Variants in CDYL observed in about 807,000 individuals in gnomAD.
The protein encoded by CDYL is chromodomain Y-like protein.
A neutral mutation model predicts 47.3 loss-of-function variants in CDYL; 8 were observed. That is an observed-to-expected ratio of 0.17 (90% CI 0.10 to 0.31). CDYL has a LOEUF of 0.31. CDYL is among the 10% of genes least tolerant of loss of function. The pLI is 1.00. For synonymous variants in CDYL, 266 were observed against 265.0 expected (o/e 1.00, Z -0.04); for missense variants, 471 against 701.4 (o/e 0.67, Z 3.71).
intron 2 of CDYL, among the ~76,000 whole-genome samples, chr6:4,903,181 G>A (rs377421087): frequency 2.0e-5 from 3 of 152,138 alleles, no homozygotes; most frequent in East Asian, 1.9e-4. Flanking sequence ...CACTCCTGCC[G>A]CCCTAAGCAC....
At chr6:4,867,146 G>T (rs1308022226) in intron 1 of CDYL, among the ~76,000 whole-genome samples, 1 of 152,034 alleles carries the variant, frequency 6.6e-6, no homozygotes, top group Non-Finnish European at 1.5e-5. Context: ...AACTGTAGCT[G>T]TGACCTCCTT....
At chr6:4,852,398 C>CAA (rs1760861341) in intron 1 of CDYL, among the ~76,000 whole-genome samples, 2 of 123,522 alleles carry the variant, frequency 1.6e-5, no homozygotes, top group African/African-American at 8.3e-5. Context: ...TCCTTCCTTC[C>CAA]TCCTTCCTTC....
intron 1 of CDYL, among the ~76,000 whole-genome samples, chr6:4,707,779 ATCT>A (rs1437140692): frequency 1.3e-5 from 2 of 152,220 alleles, no homozygotes; most frequent in Non-Finnish European, 2.9e-5. Flanking sequence ...GTGAGATAAT[ATCT>A]TATTAGGAAA....
At chr6:4,749,281 T>TTGGA (rs1375618138) in intron 3 of CDYL, among the ~76,000 whole-genome samples, 25 of 147,396 alleles carry the variant, frequency 1.7e-4, no homozygotes, top group African/African-American at 3.8e-4. Context: ...TAGGGTTTTG[T>TTGGA]TGGATGGATG....
intron 2 of CDYL, among the ~76,000 whole-genome samples, chr6:4,911,938 G>A (rs1274090268): frequency 1.3e-5 from 2 of 152,230 alleles, no homozygotes; most frequent in African/African-American, 2.4e-5. Context: ...TAGTTTCAGA[G>A]AAAGAGACAA....
intron 1 of CDYL, among the ~76,000 whole-genome samples, chr6:4,877,770 C>T (rs776971074): frequency 1.3e-5 from 2 of 152,166 alleles, no homozygotes; most frequent in African/African-American, 2.4e-5. Flanking sequence ...AGGAGCCCTA[C>T]TTAGTACTTC....
chr6:4,762,695 T>G (rs908973124), intron 3 of CDYL, among the ~76,000 whole-genome samples: 1 of 123,212 alleles, frequency 8.1e-6, no homozygotes, highest in African/African-American at 3.0e-5. Context: ...GAGACACAAT[T>G]AAAGCAAGAA....
At chr6:4,775,182 G>A (rs1336115910), upstream of CDYL, 1 of 153,136 alleles carries the variant, frequency 6.5e-6, no homozygotes, top group Non-Finnish European at 1.5e-5. The surrounding 1 kb of genome is among the most constrained non-coding windows in gnomAD (Gnocchi z 7.0). Context: ...GGGGAGACAT[G>A]GAGGAACTGG....
At chr6:4,887,074 G>A (rs2127481285) in intron 1 of CDYL, among the ~76,000 whole-genome samples, 1 of 152,282 alleles carries the variant, frequency 6.6e-6, no homozygotes, top group South Asian at 2.1e-4. Flanking sequence ...CACGCTGCCA[G>A]TTTCATAGTA....
chr6:4,892,470 C>G lies in CDYL; in HGVS notation c.691+91C>G. Reference sequence around the variant, plus strand: ...ATCAGGCCTTGAGCTGGGCAGAGTCCGGGGCTTCTCACGGCATCTGCTGGA... The same window carrying G: ...ATCAGGCCTTGAGCTGGGCAGAGTCGGGGGCTTCTCACGGCATCTGCTGGA... On this transcript the variant is annotated intron_variant, in intron 2 of 6. Coordinates refer to ENST00000397588, the MANE Select transcript of CDYL (RefSeq NM_004824.4). 4 of 1,357,706 alleles carry G rather than the reference C, an allele frequency of 2.9e-6. No individual in the cohort carries two copies. In the South Asian group the frequency reaches 5.7e-5, roughly 19 times the overall value. 84.1% of individuals were successfully genotyped at this position (1,357,706 alleles called of 1,614,324 possible). A position where few individuals can be genotyped will look rare whatever the true frequency, so the allele number is the denominator to read the frequency against.
chr6:4,805,596 G>C (rs914410829), intron 1 of CDYL, among the ~76,000 whole-genome samples: 2 of 152,168 alleles, frequency 1.3e-5, no homozygotes, highest in East Asian at 1.9e-4. Flanking sequence ...TGGAGTTCCA[G>C]CCCAAACCCG....
chr6:4,771,367 GC>G (rs1758335835), intron 3 of CDYL, among the ~76,000 whole-genome samples: 1 of 152,142 alleles, frequency 6.6e-6, no homozygotes, highest in Non-Finnish European at 1.5e-5. Flanking sequence ...ACCTGCCTTG[GC>G]CTCCTAAAGT....
At chr6:4,799,452 T>A (rs1223319075) in intron 1 of CDYL, among the ~76,000 whole-genome samples, 1 of 152,112 alleles carries the variant, frequency 6.6e-6, no homozygotes, top group East Asian at 1.9e-4. Context: ...CATTTTTTTT[T>A]TATTTTTTTA....
chr6:4,732,625 T>C (rs2127414241), intron 2 of CDYL, among the ~76,000 whole-genome samples: 1 of 130,696 alleles, frequency 7.7e-6, no homozygotes, highest in South Asian at 2.6e-4. Context: ...GTTGCACCAC[T>C]GCACTGCAGC....
intron 2 of CDYL, among the ~76,000 whole-genome samples, chr6:4,909,314 G>A (rs1390203112): frequency 1.3e-5 from 2 of 152,168 alleles, no homozygotes; most frequent in African/African-American, 2.4e-5. Flanking sequence ...GCTTTCCGGC[G>A]TCCGTAAGTG....
At chr6:4,725,687 C>T (rs959689516) in intron 2 of CDYL, among the ~76,000 whole-genome samples, 1 of 152,226 alleles carries the variant, frequency 6.6e-6, no homozygotes, top group Non-Finnish European at 1.5e-5. Flanking sequence ...CGCGCCTCTC[C>T]CTCCACACCT....
chr6:4,859,663 A>T (rs1219759424), intron 1 of CDYL, among the ~76,000 whole-genome samples: 1 of 152,190 alleles, frequency 6.6e-6, no homozygotes, highest in East Asian at 1.9e-4. Context: ...ACTCTGCCTT[A>T]CTTAGGAGAT....
At chr6:4,722,058 T>A (rs1354701176) in intron 2 of CDYL, among the ~76,000 whole-genome samples, 2 of 152,120 alleles carry the variant, frequency 1.3e-5, no homozygotes, top group Non-Finnish European at 2.9e-5. Context: ...TTTCATCATG[T>A]TGGTCAGGCT....
Position 4,945,752 on chromosome 6 carries a change from G to A in CDYL, c.1332+1996G>A, listed in dbSNP as rs147757801. On this transcript the variant is annotated intron_variant, in intron 5 of 6. Transcript: ENST00000397588. ...CTGGCACCTCTCAGGCCGTGCCGACGCCCTACCAGGCTGGCGGCTGTGGCA... is the reference window on the plus strand; with the variant it reads ...CTGGCACCTCTCAGGCCGTGCCGACACCCTACCAGGCTGGCGGCTGTGGCA... Among the ~76,000 whole-genome samples, 230 of 152,342 alleles carry A rather than the reference G, an allele frequency of 1.5e-3. No individual in the cohort carries two copies. The East Asian group carries it at 0.03, about 20-fold the overall frequency.
Sources: allele counts gnomAD v4.1 joint callset (sites outside exome capture counted in the v4.1 genomes callset), GRCh38; gene constraint gnomAD v4.1.1; non-coding constraint Gnocchi (gnomAD v3.1); transcripts MANE v1.5; gene names NCBI Gene and HGNC (gene_info 2026-07-23, HGNC 2026-07-21).